GBE1: variants seen among roughly 807,000 people sequenced by gnomAD.
GBE1 encodes the protein 1,4-alpha-glucan branching enzyme 1, also known as 1,4-alpha-glucan-branching enzyme.
GBE1 carries 70 observed loss-of-function variants against 88.8 expected under a neutral mutation model. The observed-to-expected ratio is 0.79, with a 90% CI of 0.65 to 0.96. The LOEUF is 0.96. Among genes scored for constraint, GBE1 ranks in the 40% least tolerant of loss-of-function variants. GBE1 has a pLI of 0.00. For missense variants in GBE1, 872 were observed against 871.0 expected, an observed-to-expected ratio of 1.00 and a Z score of -0.01; for synonymous variants, 284 against 300.1, an observed-to-expected ratio of 0.95 and a Z score of 0.56.
chr3:81,746,463 T>C (rs1230374320), intron 1 of GBE1, among the ~76,000 whole-genome samples: 1 of 152,124 alleles, frequency 6.6e-6, no homozygotes, highest in Non-Finnish European at 1.5e-5. Flanking sequence ...TCTCACTGTA[T>C]TGCCCAGGCT....
At position 81,733,933 on chromosome 3, in the gene GBE1, G is replaced by C. The variant is rs958922156; in HGVS notation, c.143+27442C>G. On this transcript the variant is annotated intron_variant, in intron 1 of 15. Transcript: ENST00000429644. This position sits in a 1 kb window ranked among gnomAD's most constrained non-coding sequence, Gnocchi z 4.0. Reference sequence around the variant, plus strand: ...CTGTTTCTACACTTGAACAAAAGGTGAGAGTTGTACAAATTTGCCTTTCCT... The same window carrying C: ...CTGTTTCTACACTTGAACAAAAGGTCAGAGTTGTACAAATTTGCCTTTCCT... Among the ~76,000 whole-genome samples, 1 of 152,126 alleles carries C rather than the reference G, an allele frequency of 6.6e-6. No homozygotes were observed. Among genetic ancestry groups the C allele is most frequent in the South Asian group, 2.1e-4 (1 of 4,830 alleles).
At chr3:81,597,244 T>C (rs1370415758) in intron 7 of GBE1, among the ~76,000 whole-genome samples, 1 of 151,642 alleles carries the variant, frequency 6.6e-6, no homozygotes, top group Non-Finnish European at 1.5e-5. Context: ...CTCATAAAAA[T>C]ATACAGCAGA....
chr3:81,624,020 A>G (rs892617468), intron 7 of GBE1, among the ~76,000 whole-genome samples: 1 of 152,152 alleles, frequency 6.6e-6, no homozygotes, highest in African/African-American at 2.4e-5. Flanking sequence ...TCATACTGCT[A>G]TAAAGAACTG....
At chr3:81,635,067 C>T (rs928617767) in intron 7 of GBE1, among the ~76,000 whole-genome samples, 2 of 152,254 alleles carry the variant, frequency 1.3e-5, no homozygotes, top group South Asian at 2.1e-4. Context: ...GGCTATCATG[C>T]TGTTTTGTTT....
chr3:81,700,783 T>C (rs931078465), intron 2 of GBE1, among the ~76,000 whole-genome samples: 10 of 152,164 alleles, frequency 6.6e-5, no homozygotes, highest in Admixed American at 5.9e-4. Flanking sequence ...CAGTGGTTCC[T>C]TTTTCTATAG....
intron 7 of GBE1, among the ~76,000 whole-genome samples, chr3:81,604,047 C>T: frequency 6.6e-6 from 1 of 152,068 alleles, no homozygotes; most frequent in Non-Finnish European, 1.5e-5. Context: ...GCTCAAGGTT[C>T]ACAAAATCTT....
At chr3:81,587,596 A>C (rs1703818796) in intron 9 of GBE1, among the ~76,000 whole-genome samples, 1 of 152,178 alleles carries the variant, frequency 6.6e-6, no homozygotes, top group Non-Finnish European at 1.5e-5. Flanking sequence ...ATGATTTACT[A>C]TCCAATTAGC....
chr3:81,649,235 T>C (rs1704811001), intron 4 of GBE1, among the ~76,000 whole-genome samples: 1 of 152,110 alleles, frequency 6.6e-6, no homozygotes, highest in East Asian at 1.9e-4. Context: ...GTAAATTTTT[T>C]TTTAACTTAG....
chr3:81,502,706 A>G (rs369819431), intron 14 of GBE1, among the ~76,000 whole-genome samples: 317 of 152,278 alleles, frequency 2.1e-3, no homozygotes, highest in African/African-American at 7.4e-3. Context: ...TGTTTTACAC[A>G]TTCTCTCACT....
intron 1 of GBE1, among the ~76,000 whole-genome samples, chr3:81,754,515 A>G (rs1421966289): frequency 3.7e-5 from 4 of 109,004 alleles, no homozygotes; most frequent in African/African-American, 1.2e-4. Flanking sequence ...AAATCTTAGC[A>G]AAAAAAAAAA....
chr3:81,741,725 A>G (rs1036860222), intron 1 of GBE1, among the ~76,000 whole-genome samples: 6 of 151,138 alleles, frequency 4.0e-5, no homozygotes, highest in African/African-American at 1.5e-4. Context: ...ATACACACAT[A>G]TAACATGTAT....
chr3:81,672,895 A>C (rs1391924652), intron 2 of GBE1, among the ~76,000 whole-genome samples: 1 of 151,722 alleles, frequency 6.6e-6, no homozygotes, highest in East Asian at 1.9e-4. Context: ...TACATATTTC[A>C]CTCTTCTCTC....
chr3:81,495,252 G>A (rs572525269), intron 15 of GBE1, among the ~76,000 whole-genome samples: 1 of 152,238 alleles, frequency 6.6e-6, no homozygotes, highest in South Asian at 2.1e-4. Flanking sequence ...AGCTGGGCGT[G>A]GTGGTGTGCG....
In GBE1 at chr3:81,648,990, A is replaced by C. The variant is rs1053242548; in HGVS notation, c.557T>G (p.Phe186Cys). ...IHWDPEHSYEFKHSRPKKPRS... is the reference protein window; with the variant it reads ...IHWDPEHSYECKHSRPKKPRS... Reference sequence around the variant, plus strand: ...TGGCTTCTTTGGTCTGGAATGCTTAAACTACAGAATATAAAATTATGTATA... The same window carrying C: ...TGGCTTCTTTGGTCTGGAATGCTTACACTACAGAATATAAAATTATGTATA... The change falls in exon 5 of 16, where the codon TTT (phenylalanine) becomes TGT (cysteine). Residue 186 changes from phenylalanine to cysteine, a missense_variant and splice_region_variant. Phe to Cys is a radical substitution (Grantham distance 205). Transcript: ENST00000429644. 11 of 1,563,978 alleles carry C rather than the reference A, an allele frequency of 7.0e-6. No individual in the cohort carries two copies. The highest frequency in any genetic ancestry group is 9.6e-6 in the Non-Finnish European group (11 of 1,149,136).
chr3:81,582,215 G>A (rs188557448), intron 10 of GBE1, among the ~76,000 whole-genome samples: 3 of 152,164 alleles, frequency 2.0e-5, no homozygotes, highest in East Asian at 1.9e-4. Context: ...AGGGCAGAAC[G>A]TGGAAGGCAG....
intron 7 of GBE1, among the ~76,000 whole-genome samples, chr3:81,619,482 T>C (rs1264557858): frequency 1.3e-5 from 2 of 152,174 alleles, no homozygotes; most frequent in Non-Finnish European, 2.9e-5. Flanking sequence ...TTAGATTATT[T>C]ATTTCATTTG....
At chr3:81,654,720 C>A (rs966693178) in intron 3 of GBE1, 1 of 152,012 alleles carries the variant, frequency 6.6e-6, no homozygotes, top group Non-Finnish European at 1.5e-5. Flanking sequence ...GGCTACAGGT[C>A]AAAGTGAATT....
At chr3:81,613,701 C>T (rs1333565591) in intron 7 of GBE1, among the ~76,000 whole-genome samples, 1 of 152,132 alleles carries the variant, frequency 6.6e-6, no homozygotes, top group Non-Finnish European at 1.5e-5. Flanking sequence ...TTTAAGATGA[C>T]ACTTTCAAAA....
intron 2 of GBE1, among the ~76,000 whole-genome samples, chr3:81,702,192 A>G (rs538903250): frequency 2.7e-5 from 4 of 149,402 alleles, no homozygotes; most frequent in South Asian, 2.1e-4. Flanking sequence ...ATCTAAGAGT[A>G]TATTTTCACG....
Sources: gnomAD v4.1 joint callset for allele counts (sites outside exome capture counted in the v4.1 genomes callset) on GRCh38, gnomAD v4.1.1 for gene constraint, Gnocchi (gnomAD v3.1) non-coding constraint, MANE v1.5 for transcripts, NCBI Gene and HGNC (gene_info 2026-07-23, HGNC 2026-07-21) for gene names.